Variants in RAPH1 observed in about 807,000 individuals in gnomAD.
RAPH1 encodes the protein Ras association (RalGDS/AF-6) and pleckstrin homology domains 1.
RAPH1 carries 18 observed loss-of-function variants against 88.1 expected under a neutral mutation model. The observed-to-expected ratio is 0.20, with a 90% CI of 0.14 to 0.30. RAPH1 has a LOEUF of 0.30. RAPH1 is among the 10% of genes least tolerant of loss of function. RAPH1 has a pLI of 1.00. For missense variants in RAPH1, 1,448 were observed against 1,543.2 expected (o/e 0.94, Z 1.03); for synonymous variants, 587 against 559.0 (o/e 1.05, Z -0.71).
chr2:203,534,839 C>A (rs540152388), intron 1 of RAPH1, among the ~76,000 whole-genome samples: 1 of 151,954 alleles, frequency 6.6e-6, no homozygotes, highest in African/African-American at 2.4e-5. Context: ...GGCCCCTTAT[C>A]TCATTGTCTC....
chr2:203,498,652 T>A (rs949050374), intron 1 of RAPH1, among the ~76,000 whole-genome samples: 1 of 152,138 alleles, frequency 6.6e-6, no homozygotes, highest in African/African-American at 2.4e-5. Flanking sequence ...TTCAAATTTT[T>A]AAAAATGATT....
At chr2:203,444,717 CT>C in intron 13 of RAPH1, 150 bp downstream of exon 13, 2 of 662,048 alleles carry the variant, frequency 3.0e-6, no homozygotes, top group Non-Finnish European at 2.5e-6. Flanking sequence ...TCTGAACTGT[CT>C]TTACCCACTA....
At position 203,447,985 on chromosome 2, in the gene RAPH1, G is replaced by A. The variant is rs1341036342; in HGVS notation, c.1607C>T (p.Ser536Leu). The A allele has an allele frequency of 3.1e-6, 5 of 1,613,872 alleles. No individual in the cohort carries two copies. Among genetic ancestry groups the A allele is most frequent in the Non-Finnish European group, 4.2e-6 (5 of 1,179,868 alleles). Residue 536 changes from serine (S) to leucine (L), a missense_variant, in exon 12 of 14, where the codon TCG (serine) becomes TTG (leucine). Ser to Leu is a moderately radical substitution (Grantham distance 145). Around this residue, in one of 2 missense-constraint regions of RAPH1, gnomAD observed 513 missense variants for 653.1 expected, o/e 0.79. Coordinates refer to ENST00000319170, the MANE Select transcript of RAPH1 (RefSeq NM_213589.3). ...WTSLSSSSIK[S>L]GSSSSSIPES... The stretch of plus-strand genomic sequence containing the variant: ...TGGGATGCTGGAAGAACTGGATCCC[G>A]ATTTAATGCTGGAGCTGGATAAGGA...
At chr2:203,534,071 T>G (rs1318423800) in intron 1 of RAPH1, among the ~76,000 whole-genome samples, 1 of 152,164 alleles carries the variant, frequency 6.6e-6, no homozygotes, top group Non-Finnish European at 1.5e-5. Flanking sequence ...TTGCTGAATT[T>G]AATATCCCCA....
At chr2:203,463,776 A>G (rs1307571095) in intron 4 of RAPH1, among the ~76,000 whole-genome samples, 1 of 152,244 alleles carries the variant, frequency 6.6e-6, no homozygotes, top group Non-Finnish European at 1.5e-5. Flanking sequence ...GCAAATAAAC[A>G]AATAGCAGAA....
rs543738972 is a variant in RAPH1, at chr2:203,463,467, G to T, written c.733-1542C>A. 2.6e-5 allele frequency among the ~76,000 whole-genome samples: 4 copies of T among 152,200 alleles called. No homozygotes were observed. The East Asian group carries it at 7.7e-4, about 29-fold the overall frequency. ...AACTACTTTTCTATTTTATACTCTAGGCTGTCTCCCATCATTTCAAGCTTA... is the reference window on the plus strand; with the variant it reads ...AACTACTTTTCTATTTTATACTCTATGCTGTCTCCCATCATTTCAAGCTTA... On this transcript the variant is annotated intron_variant, in intron 4 of 13. Coordinates refer to ENST00000319170, the MANE Select transcript of RAPH1 (RefSeq NM_213589.3).
intron 10 of RAPH1, among the ~76,000 whole-genome samples, chr2:203,449,054 T>A (rs1389924037): frequency 2.0e-5 from 3 of 152,204 alleles, no homozygotes; most frequent in African/African-American, 7.2e-5. Context: ...TAGATCAAGA[T>A]ATCCAAGTTA....
chr2:203,518,653 C>T (rs1211810724), intron 1 of RAPH1, among the ~76,000 whole-genome samples: 3 of 152,052 alleles, frequency 2.0e-5, no homozygotes, highest in African/African-American at 7.2e-5. Flanking sequence ...CAACACCAGC[C>T]TGAGCAACAT....
chr2:203,451,266 A>G (rs1286542513), intron 10 of RAPH1, among the ~76,000 whole-genome samples: 1 of 151,980 alleles, frequency 6.6e-6, no homozygotes, highest in East Asian at 1.9e-4. Flanking sequence ...CATACTTCAC[A>G]TTTTTCATTA....
Position 203,523,280 on chromosome 2 carries a change from C to A in RAPH1, c.-1+11831G>T, listed in dbSNP as rs554011907. ...TGGTGGCGGGCGCCTGTAGTCCCAG[C>A]TACTCGGGAGGCTGAGGCAGGAGAA... On this transcript the variant is annotated intron_variant, in intron 1 of 13. Coordinates refer to ENST00000319170, the MANE Select transcript of RAPH1 (RefSeq NM_213589.3). Among the ~76,000 whole-genome samples the A allele has an allele frequency of 2.6e-5, 4 of 151,776 alleles. No homozygotes were observed. In the East Asian group the frequency reaches 5.9e-4, roughly 22 times the overall value.
Position 203,440,042 on chromosome 2 carries a change from C to A in RAPH1, c.3148G>T (p.Ala1050Ser). The change falls in exon 14 of 14, where the codon GCC becomes TCC. Residue 1050 changes from alanine to serine, a missense_variant. Coordinates refer to ENST00000319170, the MANE Select transcript of RAPH1 (RefSeq NM_213589.3). ...VLQQGCVSAK[A>S]PVLSGRGKDS... The stretch of plus-strand genomic sequence containing the variant: ...TTTCCACGCCCACTCAGAACAGGGG[C>A]TTTTGCTGACACACACCCTTGTTGG... The A allele has an allele frequency of 1.2e-6, 2 of 1,613,536 alleles. No homozygotes were observed. The highest frequency in any genetic ancestry group is 1.7e-6 in the Non-Finnish European group (2 of 1,179,976).
chr2:203,501,381 A>T (rs895071159), intron 1 of RAPH1, among the ~76,000 whole-genome samples: 5 of 152,164 alleles, frequency 3.3e-5, no homozygotes, highest in African/African-American at 1.2e-4. Flanking sequence ...TTAAAACAAG[A>T]CCTTTAGTTC....
rs180787746 is a variant in RAPH1, at chr2:203,489,484, T to C, written c.732+100A>G. The C allele has an allele frequency of 3.7e-5, 34 of 908,110 alleles. No individual in the cohort carries two copies. In the East Asian group the frequency reaches 9.8e-4, roughly 26 times the overall value. 56.3% of individuals were successfully genotyped at this position (908,110 alleles called of 1,614,324 possible). A position where few individuals can be genotyped will look rare whatever the true frequency, so the allele number is the denominator to read the frequency against. ...TCTCAGAAGTATCTTTGACAAATTA[T>C]AAATGTAGAAGAATTTAAGAAGTTA... On this transcript the variant is annotated intron_variant, in intron 4 of 13. Transcript: ENST00000319170.
chr2:203,472,350 T>G (rs1392970756), intron 4 of RAPH1, among the ~76,000 whole-genome samples: 1 of 152,168 alleles, frequency 6.6e-6, no homozygotes, highest in African/African-American at 2.4e-5. Context: ...CAGGCTGGTC[T>G]TGAACTCCTG....
chr2:203,511,365 T>C (rs115913810), intron 1 of RAPH1, among the ~76,000 whole-genome samples: 277 of 152,024 alleles, frequency 1.8e-3, no homozygotes, highest in African/African-American at 6.4e-3. Flanking sequence ...TCCCTATCAA[T>C]AGAAGAATGG....
At chr2:203,471,764 T>C (rs925952172) in intron 4 of RAPH1, among the ~76,000 whole-genome samples, 4 of 152,152 alleles carry the variant, frequency 2.6e-5, no homozygotes, top group African/African-American at 7.2e-5. Flanking sequence ...TAAAGCTGTG[T>C]TTTAATGCAA....
Position 203,434,582 on chromosome 2 carries a change from AG to A in RAPH1, c.*4854del, listed in dbSNP as rs891650683. ...TACAAGTAGCAAAAAAAAAAAAAAA[AG>A]TAGGAGGTGGGGAAATAATATGAAA... On this transcript the variant is annotated 3_prime_UTR_variant, in exon 14 of 14. Coordinates refer to ENST00000319170, the MANE Select transcript of RAPH1 (RefSeq NM_213589.3). 5.3e-5 allele frequency: 8 copies of A among 150,838 alleles called. No homozygotes were observed. The highest frequency in any genetic ancestry group is 2.1e-4 in the South Asian group (1 of 4,782). 9.3% of individuals were successfully genotyped at this position (150,838 alleles called of 1,614,324 possible). A position where few individuals can be genotyped will look rare whatever the true frequency, so the allele number is the denominator to read the frequency against.
In RAPH1 at chr2:203,491,379, G is replaced by A. The variant is rs571353296; in HGVS notation, c.121-60C>T. 2.9e-4 allele frequency: 340 copies of A among 1,185,630 alleles called. 1 individual carries two copies. The East Asian group carries it at 8.5e-3, about 29-fold the overall frequency. The allele number at this position is 1,185,630 out of a possible 1,614,324, so 73.4% of individuals were successfully genotyped here. A position where few individuals can be genotyped will look rare whatever the true frequency, so the allele number is the denominator to read the frequency against. On this transcript the variant is annotated intron_variant, in intron 2 of 13. Coordinates refer to ENST00000319170, the MANE Select transcript of RAPH1 (RefSeq NM_213589.3). Reference sequence around the variant, plus strand: ...TTCAGGTTTCAATAATATAAAAAAAGATGAAGTTTGTTTTATGATTAAGTG... The same window carrying A: ...TTCAGGTTTCAATAATATAAAAAAAAATGAAGTTTGTTTTATGATTAAGTG...
In RAPH1 at chr2:203,437,392, A is replaced by G. The variant is rs917982531; in HGVS notation, c.*2045T>C. On this transcript the variant is annotated 3_prime_UTR_variant, in exon 14 of 14. Transcript: ENST00000319170. ...CACAAATATGGGTGCCCCTCAAACT[A>G]TAAAACTGCAGGCAGAAGACTATGA... 1 of 152,192 alleles carries G rather than the reference A, an allele frequency of 6.6e-6. No individual in the cohort carries two copies. Among genetic ancestry groups the G allele is most frequent in the Non-Finnish European group, 1.5e-5 (1 of 68,032 alleles). 9.4% of individuals were successfully genotyped at this position (152,192 alleles called of 1,614,324 possible). A position where few individuals can be genotyped will look rare whatever the true frequency, so the allele number is the denominator to read the frequency against.
Sources: gnomAD v4.1 joint callset for allele counts (sites outside exome capture counted in the v4.1 genomes callset) on GRCh38, gnomAD v4.1.1 for gene constraint, gnomAD v4.1.1 regional missense constraint, MANE v1.5 for transcripts, NCBI Gene and HGNC (gene_info 2026-07-23, HGNC 2026-07-21) for gene names.